Variants in FYB1 observed in about 807,000 individuals in gnomAD.
The protein encoded by FYB1 is FYN-binding protein 1.
A neutral mutation model predicts 94.1 loss-of-function variants in FYB1; 41 were observed. The ratio of observed to expected loss-of-function variants is 0.44; its 90% CI spans 0.34 to 0.57. The LOEUF is 0.57. Among genes scored for constraint, FYB1 ranks in the 20% least tolerant of loss-of-function variants. The pLI is 0.02. For synonymous variants in FYB1, 367 were observed against 353.2 expected, an observed-to-expected ratio of 1.04 and a Z score of -0.44; for missense variants, 1,050 against 976.8, an observed-to-expected ratio of 1.07 and a Z score of -1.00.
intron 1 of FYB1, among the ~76,000 whole-genome samples, chr5:39,234,568 T>G (rs977284525): frequency 2.0e-5 from 3 of 152,214 alleles, no homozygotes; most frequent in African/African-American, 7.2e-5. Context: ...TTATAAATCA[T>G]GCTACTATAA....
Position 39,261,337 on chromosome 5 carries a change from GACACACAC to G in FYB1, c.-28+13058_-28+13065del, listed in dbSNP as rs57277521. Among the ~76,000 whole-genome samples the G allele has an allele frequency of 3.8e-4, 51 of 133,868 alleles. No individual in the cohort carries two copies. In the East Asian group the frequency reaches 5.5e-3, roughly 14 times the overall value. The allele number at this position is 133,868 out of a possible 152,430, so 87.8% of individuals were successfully genotyped here. On this transcript the variant is annotated intron_variant, in intron 1 of 1. Coordinates refer to the FYB1 transcript ENST00000510188. ...AAAAAAAAGAACGTGTGTAGATTAA[GACACACAC>G]ACACACACACACACACACACACACA... is the stretch of plus-strand genomic sequence containing the variant.
At chr5:39,113,509 G>A (rs1427069667) in intron 16 of FYB1, among the ~76,000 whole-genome samples, 2 of 152,160 alleles carry the variant, frequency 1.3e-5, no homozygotes, top group Admixed American at 1.3e-4. Context: ...ATATGTGCCA[G>A]TTAATTTCTT....
At chr5:39,127,530 T>C (rs150379983) in intron 11 of FYB1, among the ~76,000 whole-genome samples, 71 of 152,188 alleles carry the variant, frequency 4.7e-4, no homozygotes, top group African/African-American at 1.7e-3. Context: ...GCTGTAGTTA[T>C]TGAAGTTCTT....
intron 2 of FYB1, among the ~76,000 whole-genome samples, chr5:39,154,583 T>C (rs933784415): frequency 6.6e-6 from 1 of 151,840 alleles, no homozygotes; most frequent in East Asian, 1.9e-4. Context: ...CTCGGCTCAC[T>C]GCAACCTCTG....
In FYB1 at chr5:39,119,012, A is replaced by G; in HGVS notation, c.2263T>C (p.Tyr755His). 3.5e-6 allele frequency: 5 copies of G among 1,444,700 alleles called. No individual in the cohort carries two copies. The highest frequency in any genetic ancestry group is 4.7e-6 in the Non-Finnish European group (5 of 1,071,800). The allele number at this position is 1,444,700 out of a possible 1,614,324, so 89.5% of individuals were successfully genotyped here. A position where few individuals can be genotyped will look rare whatever the true frequency, so the allele number is the denominator to read the frequency against. ...ATGGAAGTTGTAACTTTAGTTGAATATAGGACTCTAATTTCACCATCATAC... is the reference window on the plus strand; with the variant it reads ...ATGGAAGTTGTAACTTTAGTTGAATGTAGGACTCTAATTTCACCATCATAC... Reference protein sequence around the residue: ...FKYDGEIRVLYSTKVTTSITS... With the variant: ...FKYDGEIRVLHSTKVTTSITS... Residue 755 changes from tyrosine (Y) to histidine (H), a missense_variant, in exon 16 of 19, where the codon TAT (tyrosine) becomes CAT (histidine). Coordinates refer to ENST00000512982, the MANE Select transcript of FYB1 (RefSeq NM_001465.6).
chr5:39,110,639 C>T lies in FYB1; in HGVS notation c.2402-250G>A, dbSNP rs1305302804. ...CCAATTTCAACCTTTCCTCCTTTCCCCTTTAAATAAAAAAGCAACTTTTTT... is the reference window on the plus strand; with the variant it reads ...CCAATTTCAACCTTTCCTCCTTTCCTCTTTAAATAAAAAAGCAACTTTTTT... On this transcript the variant is annotated intron_variant, in intron 16 of 18. Coordinates refer to ENST00000512982, the MANE Select transcript of FYB1 (RefSeq NM_001465.6). 3 of 377,338 alleles carry T rather than the reference C, an allele frequency of 8.0e-6. No homozygotes were observed. In the Admixed American group the frequency reaches 1.3e-4, roughly 17 times the overall value. The allele number at this position is 377,338 out of a possible 1,614,324, so 23.4% of individuals were successfully genotyped here.
chr5:39,125,862 A>G (rs1354211858), intron 12 of FYB1, 136 bp downstream of exon 12: 5 of 836,860 alleles, frequency 6.0e-6, no homozygotes, highest in African/African-American at 5.1e-5. Context: ...CGGGGCTAAG[A>G]TGATTAACGG....
chr5:39,195,208 T>C (rs1747725656), intron 2 of FYB1, among the ~76,000 whole-genome samples: 1 of 152,226 alleles, frequency 6.6e-6, no homozygotes, highest in African/African-American at 2.4e-5. Context: ...TATTAATACT[T>C]GGAGAAATCT....
chr5:39,130,607 C>A lies in FYB1; in HGVS notation c.1823G>T (p.Ser608Ile). Residue 608 changes from serine (S) to isoleucine (I), a missense_variant, in exon 10 of 19, where the codon AGT becomes ATT. Physicochemically the swap from Ser to Ile is moderately radical, Grantham distance 142. Coordinates refer to ENST00000512982, the MANE Select transcript of FYB1 (RefSeq NM_001465.6). ...TGGCTTACCTCCACTTCCACTCTGA[C>A]TGTGGCTAGAAAAGAAACCCAGAAA... The part of the protein sequence containing the change: ...VAEQDDISSH[S>I]QSGSGGIFPP... 1 of 1,574,168 alleles carries A rather than the reference C, an allele frequency of 6.4e-7. No homozygotes were observed. The highest frequency in any genetic ancestry group is 1.8e-5 in the Admixed American group (1 of 54,738).
At chr5:39,227,941 C>T (rs1750554335) in intron 1 of FYB1, among the ~76,000 whole-genome samples, 1 of 152,114 alleles carries the variant, frequency 6.6e-6, no homozygotes, top group Admixed American at 6.6e-5. Flanking sequence ...AGACCTTTCA[C>T]CTTGAGAGGG....
chr5:39,249,910 T>A (rs1351553565), intron 1 of FYB1, among the ~76,000 whole-genome samples: 1 of 152,084 alleles, frequency 6.6e-6, no homozygotes, highest in Non-Finnish European at 1.5e-5. Context: ...ATAACCCCCA[T>A]GTGTTGAGGA....
At chr5:39,122,969 C>T (rs1447793353) in intron 13 of FYB1, among the ~76,000 whole-genome samples, 1 of 152,108 alleles carries the variant, frequency 6.6e-6, no homozygotes, top group Non-Finnish European at 1.5e-5. Flanking sequence ...CTGTTACCAA[C>T]AGGTATTGAG....
At chr5:39,181,404 T>A (rs1341246543) in intron 2 of FYB1, among the ~76,000 whole-genome samples, 2 of 124,914 alleles carry the variant, frequency 1.6e-5, no homozygotes, top group African/African-American at 5.2e-5. Context: ...AATTTAAACA[T>A]CCACTGTGGT....
At chr5:39,199,655 G>A (rs1216746402) in intron 2 of FYB1, among the ~76,000 whole-genome samples, 1 of 152,066 alleles carries the variant, frequency 6.6e-6, no homozygotes, top group African/African-American at 2.4e-5. Context: ...CCGGGGTGGG[G>A]GGTAGTATTT....
At chr5:39,263,376 T>A (rs966292631) in intron 1 of FYB1, among the ~76,000 whole-genome samples, 5 of 142,880 alleles carry the variant, frequency 3.5e-5, no homozygotes, top group Non-Finnish European at 6.1e-5. Context: ...TAGTACAGGA[T>A]TTTTTTTTTT....
chr5:39,229,515 G>A (rs1278187945), intron 1 of FYB1, among the ~76,000 whole-genome samples: 1 of 152,056 alleles, frequency 6.6e-6, no homozygotes, highest in Non-Finnish European at 1.5e-5. Flanking sequence ...GGTGAGTTGG[G>A]GGTACATCCT....
chr5:39,158,710 G>A (rs550735879), intron 2 of FYB1, among the ~76,000 whole-genome samples: 1 of 152,102 alleles, frequency 6.6e-6, no homozygotes, highest in Non-Finnish European at 1.5e-5. Flanking sequence ...GACTAAGAAG[G>A]TACCTAAAGT....
chr5:39,127,199 A>T (rs1164618805), intron 11 of FYB1, among the ~76,000 whole-genome samples: 1 of 151,392 alleles, frequency 6.6e-6, no homozygotes, highest in Non-Finnish European at 1.5e-5. Flanking sequence ...ATGAACAGAT[A>T]ATTATTATTA....
At chr5:39,193,842 CACAGCTA>C in intron 2 of FYB1, among the ~76,000 whole-genome samples, 2 of 152,294 alleles carry the variant, frequency 1.3e-5, no homozygotes, top group Admixed American at 1.3e-4. Flanking sequence ...TGGAGACGAG[CACAGCTA>C]ACATTTATGC....
Sources: gnomAD v4.1 joint callset for allele counts (sites outside exome capture counted in the v4.1 genomes callset) on GRCh38, gnomAD v4.1.1 for gene constraint, MANE v1.5 for transcripts, NCBI Gene and HGNC (gene_info 2026-07-23, HGNC 2026-07-21) for gene names.